PLEKHG1: variants seen among roughly 807,000 people sequenced by gnomAD.
The protein encoded by PLEKHG1 is pleckstrin homology and RhoGEF domain containing G1.
PLEKHG1 carries 44 observed loss-of-function variants against 100.8 expected under a neutral mutation model. That is an observed-to-expected ratio of 0.44 (90% CI 0.34 to 0.56). The LOEUF (loss-of-function observed/expected upper bound fraction) is 0.56. Ranked by LOEUF, PLEKHG1 falls within the 20% of genes least tolerant of loss-of-function variation. The pLI is 0.01. For missense variants in PLEKHG1, 1,545 were observed against 1,720.9 expected (o/e 0.90, Z 1.81); for synonymous variants, 640 against 662.5 (o/e 0.97, Z 0.52).
chr6:150,674,684 C>CTCTCTCTCTCTCTCTCTCTCT (rs1562427910), intron 3 of PLEKHG1, among the ~76,000 whole-genome samples: 2 of 73,358 alleles, frequency 2.7e-5, no homozygotes, highest in Non-Finnish European at 5.3e-5. Flanking sequence ...TCTCTCTCTC[C>CTCTCTCTCTCTCTCTCTCTCT]CCCCTCTTCT....
chr6:150,673,580 C>A (rs569184483), intron 3 of PLEKHG1, among the ~76,000 whole-genome samples: 50 of 152,088 alleles, frequency 3.3e-4, no homozygotes, highest in African/African-American at 1.2e-3. Context: ...TCTTTCTTTT[C>A]TCTTCTCCTT....
rs1248797262 is a variant in PLEKHG1 at position 150,831,821 on chromosome 6, A to G, written c.2710A>G (p.Lys904Glu). Reference sequence around the variant, plus strand: ...GAGCCAGGCTCTCCTCACGCCCGTGAAGAGCAGGGCTGGCAGAGCCAGCCG... The same window carrying G: ...GAGCCAGGCTCTCCTCACGCCCGTGGAGAGCAGGGCTGGCAGAGCCAGCCG... The change falls in exon 15 of 16, where the codon AAG becomes GAG. Residue 904 changes from lysine to glutamate, a missense_variant. Physicochemically the swap from Lys to Glu is moderately conservative, Grantham distance 56. Coordinates refer to ENST00000358517, the Ensembl canonical transcript of PLEKHG1. This position sits in a 1 kb window ranked among gnomAD's most constrained non-coding sequence, Gnocchi z 4.1. 9.3e-6 allele frequency: 15 copies of G among 1,612,210 alleles called. No homozygotes were observed. The highest frequency in any genetic ancestry group is 1.2e-5 in the Non-Finnish European group (14 of 1,178,886).
chr6:150,798,191 A>G (rs1363945297), intron 5 of PLEKHG1, among the ~76,000 whole-genome samples: 2 of 152,160 alleles, frequency 1.3e-5, no homozygotes, highest in African/African-American at 4.8e-5. Context: ...CCTAATTCAG[A>G]GAAATCACAG....
chr6:150,787,724 A>G (rs985711243), intron 4 of PLEKHG1, among the ~76,000 whole-genome samples: 1 of 152,054 alleles, frequency 6.6e-6, no homozygotes, highest in Non-Finnish European at 1.5e-5. Context: ...CAAACACAAC[A>G]CCCTGGGTTT....
intron 3 of PLEKHG1, among the ~76,000 whole-genome samples, chr6:150,689,815 A>G (rs9885699): frequency 0.29 from 44,145 of 150,376 alleles, 8,041 homozygotes; most frequent in African/African-American, 0.52. Context: ...AGATTGTGCC[A>G]TTGCACTCCA....
chr6:150,674,412 C>CAA (rs1281368293), intron 3 of PLEKHG1, among the ~76,000 whole-genome samples: 1 of 152,166 alleles, frequency 6.6e-6, no homozygotes, highest in East Asian at 1.9e-4. Context: ...AGAATGACCT[C>CAA]AGAGTCCAAG....
At chr6:150,759,427 A>G (rs754998912) in intron 2 of PLEKHG1, among the ~76,000 whole-genome samples, 5 of 152,138 alleles carry the variant, frequency 3.3e-5, no homozygotes, top group African/African-American at 4.8e-5. Flanking sequence ...AAAATTAATC[A>G]TCAGCAAACC....
intron 15 of PLEKHG1, among the ~76,000 whole-genome samples, chr6:150,836,883 C>T (rs1178924071): frequency 1.3e-5 from 2 of 151,054 alleles, no homozygotes; most frequent in African/African-American, 4.9e-5. Context: ...ATAAAATGGC[C>T]AGGTGCAGTG....
At chr6:150,660,591 A>G (rs772683093) in intron 3 of PLEKHG1, among the ~76,000 whole-genome samples, 9 of 152,228 alleles carry the variant, frequency 5.9e-5, no homozygotes, top group Non-Finnish European at 1.0e-4. Flanking sequence ...GGCATCTTTC[A>G]GTTGACAAAA....
chr6:150,628,255 T>C, intron 1 of PLEKHG1, among the ~76,000 whole-genome samples: 1 of 151,994 alleles, frequency 6.6e-6, no homozygotes, highest in East Asian at 1.9e-4. Flanking sequence ...TTTGAAATGT[T>C]ATATGTTTCT....
At chr6:150,827,591 A>T (rs1776685678) in intron 14 of PLEKHG1, 8 of 701,402 alleles carry the variant, frequency 1.1e-5, no homozygotes, top group Non-Finnish European at 2.1e-5. Context: ...TGCTATTTTC[A>T]TTTCAAGTGT....
At chr6:150,691,055 T>C (rs1385800278) in intron 3 of PLEKHG1, among the ~76,000 whole-genome samples, 1 of 152,218 alleles carries the variant, frequency 6.6e-6, no homozygotes, top group African/African-American at 2.4e-5. Flanking sequence ...CTACACAGAG[T>C]TGGCACACAG....
intron 10 of PLEKHG1, among the ~76,000 whole-genome samples, chr6:150,812,113 G>C (rs1388597069): frequency 1.3e-5 from 2 of 152,192 alleles, no homozygotes; most frequent in Non-Finnish European, 2.9e-5. Flanking sequence ...GAGACAGGCA[G>C]GGAGAGGAAC....
intron 2 of PLEKHG1, among the ~76,000 whole-genome samples, chr6:150,758,030 A>G (rs913611753): frequency 5.3e-5 from 8 of 152,158 alleles, no homozygotes; most frequent in African/African-American, 1.9e-4. Flanking sequence ...TTATGGCTGT[A>G]TAGTGTTCCA....
intron 1 of PLEKHG1, among the ~76,000 whole-genome samples, chr6:150,616,936 T>C (rs1777098026): frequency 6.6e-6 from 1 of 152,182 alleles, no homozygotes; most frequent in African/African-American, 2.4e-5. Flanking sequence ...AGTTCTAGAA[T>C]TATGACCTCA....
chr6:150,758,565 C>T (rs1293647558), intron 2 of PLEKHG1, among the ~76,000 whole-genome samples: 1 of 152,150 alleles, frequency 6.6e-6, no homozygotes, highest in East Asian at 1.9e-4. Flanking sequence ...AAACTCCTGA[C>T]CTCAGGTGAT....
At chr6:150,623,208 C>G (rs1167479220) in intron 1 of PLEKHG1, among the ~76,000 whole-genome samples, 1 of 152,054 alleles carries the variant, frequency 6.6e-6, no homozygotes, top group Non-Finnish European at 1.5e-5. Context: ...TTATCATTGC[C>G]TTCAACCACA....
chr6:150,761,107 T>C (rs1010293306), intron 2 of PLEKHG1, among the ~76,000 whole-genome samples: 18 of 141,664 alleles, frequency 1.3e-4, no homozygotes, highest in Non-Finnish European at 9.2e-5. Flanking sequence ...TTCTTTTTTT[T>C]TTTTTTTTTT....
upstream of PLEKHG1, among the ~76,000 whole-genome samples, chr6:150,716,776 G>T (rs1446449198): frequency 1.3e-5 from 2 of 152,210 alleles, no homozygotes; most frequent in African/African-American, 4.8e-5. Flanking sequence ...AGGAGATCAG[G>T]GTTTTAACTG....
Sources: allele counts gnomAD v4.1 joint callset (sites outside exome capture counted in the v4.1 genomes callset), GRCh38; gene constraint gnomAD v4.1.1; non-coding constraint Gnocchi (gnomAD v3.1); transcripts MANE v1.5; gene names NCBI Gene and HGNC (gene_info 2026-07-23, HGNC 2026-07-21).